SDK1: variants seen among roughly 807,000 people sequenced by gnomAD.
The protein encoded by SDK1 is protein sidekick-1.
A neutral mutation model predicts 245.5 loss-of-function variants in SDK1; 157 were observed. The observed-to-expected ratio is 0.64, with a 90% CI of 0.56 to 0.73. The LOEUF (loss-of-function observed/expected upper bound fraction) is 0.73. SDK1 is among the 30% of genes least tolerant of loss of function. The pLI, the probability that SDK1 is intolerant of heterozygous loss-of-function variation, is 0.00. For missense variants in SDK1, 3,583 were observed against 3,002.3 expected (o/e 1.19, Z -4.52); for synonymous variants, 1,647 against 1,278.5 (o/e 1.29, Z -6.15).
intron 4 of SDK1, among the ~76,000 whole-genome samples, chr7:3,702,155 T>C (rs1210004591): frequency 1.3e-5 from 2 of 152,114 alleles, no homozygotes; most frequent in Non-Finnish European, 2.9e-5. Context: ...TTCATTAAAA[T>C]TTAAAACATC....
At chr7:4,151,126 T>C (rs910108478) in intron 30 of SDK1, among the ~76,000 whole-genome samples, 2 of 152,138 alleles carry the variant, frequency 1.3e-5, no homozygotes, top group African/African-American at 4.8e-5. Context: ...GGGTGTCAAA[T>C]GCAAATCCTG....
chr7:4,251,430 C>T (rs1490886662), intron 44 of SDK1, among the ~76,000 whole-genome samples: 2 of 152,232 alleles, frequency 1.3e-5, no homozygotes, highest in Non-Finnish European at 2.9e-5. Context: ...CACACTTAGT[C>T]CTCCACCAGA....
intron 1 of SDK1, among the ~76,000 whole-genome samples, chr7:3,538,337 G>T (rs1203215358): frequency 2.0e-5 from 3 of 151,964 alleles, no homozygotes; most frequent in African/African-American, 7.3e-5. Context: ...AGAAAATCCT[G>T]TGCTTTTTTT....
chr7:3,691,986 T>A (rs1029690101), intron 4 of SDK1, among the ~76,000 whole-genome samples: 2 of 152,116 alleles, frequency 1.3e-5, no homozygotes, highest in Non-Finnish European at 2.9e-5. Flanking sequence ...TCCCCCTTTA[T>A]TTTTGCTTAC....
chr7:3,343,068 G>T (rs1434145388), intron 1 of SDK1, among the ~76,000 whole-genome samples: 1 of 150,270 alleles, frequency 6.7e-6, no homozygotes. Context: ...CATTGCTAGT[G>T]GGAATGTAAA....
At chr7:3,384,899 T>C (rs944539299) in intron 1 of SDK1, among the ~76,000 whole-genome samples, 1 of 152,188 alleles carries the variant, frequency 6.6e-6, no homozygotes, top group Non-Finnish European at 1.5e-5. Context: ...AAATAATTGT[T>C]GAGTAAATGG....
chr7:4,201,304 C>T (rs1238858842), intron 35 of SDK1, among the ~76,000 whole-genome samples: 1 of 152,148 alleles, frequency 6.6e-6, no homozygotes, highest in Non-Finnish European at 1.5e-5. Flanking sequence ...GTCTCCAGGT[C>T]CCCCTGCTCA....
intron 19 of SDK1, among the ~76,000 whole-genome samples, chr7:4,062,337 C>G (rs912906953): frequency 2.6e-5 from 4 of 152,024 alleles, no homozygotes; most frequent in African/African-American, 9.7e-5. Context: ...AACAACTATA[C>G]ACTAACAAAT....
intron 2 of SDK1, among the ~76,000 whole-genome samples, chr7:3,630,513 A>G (rs1473455582): frequency 1.3e-5 from 2 of 152,198 alleles, no homozygotes; most frequent in East Asian, 1.9e-4. Flanking sequence ...GTGCATGCCT[A>G]TAATCCCAGT....
chr7:3,746,607 C>T (rs1779628948), intron 4 of SDK1, among the ~76,000 whole-genome samples: 1 of 152,216 alleles, frequency 6.6e-6, no homozygotes, highest in Non-Finnish European at 1.5e-5. Context: ...TTCAGAGTGC[C>T]TCCACCAGGA....
At position 4,265,961 on chromosome 7, in the gene SDK1, G is replaced by C. The variant is rs1788442610; in HGVS notation, c.*577G>C. ...TTCTCACTTGGCAGTGTCTAGTCAA[G>C]GAGTCGGCTTTCAGGTTCCTGACGG... On this transcript the variant is annotated 3_prime_UTR_variant, in exon 45 of 45. Transcript: ENST00000404826. 1 of 985,526 alleles carries C rather than the reference G, an allele frequency of 1.0e-6. No individual in the cohort carries two copies. The highest frequency in any genetic ancestry group is 4.7e-5 in the South Asian group (1 of 21,300). The allele number at this position is 985,526 out of a possible 1,614,324, so 61.0% of individuals were successfully genotyped here.
At chr7:3,782,574 A>C (rs2115013789) in intron 4 of SDK1, among the ~76,000 whole-genome samples, 1 of 152,360 alleles carries the variant, frequency 6.6e-6, no homozygotes, top group South Asian at 2.1e-4. Flanking sequence ...AGAGATAAGA[A>C]ACACTTCGTA....
chr7:3,740,446 G>C (rs1257607970), intron 4 of SDK1, among the ~76,000 whole-genome samples: 1 of 152,206 alleles, frequency 6.6e-6, no homozygotes, highest in African/African-American at 2.4e-5. Flanking sequence ...TATTGAGCAT[G>C]TGTCACAGAT....
rs1315542089 is a variant in SDK1, at chr7:4,267,661, A to G, written c.*2277A>G. On this transcript the variant is annotated 3_prime_UTR_variant, in exon 45 of 45. Coordinates refer to ENST00000404826, the MANE Select transcript of SDK1 (RefSeq NM_152744.4). ...GCTTTACATGCCAGGGAGAGTGTTG[A>G]GACGTCTTAGGTTGAGGATGAGCAG... 2.0e-6 allele frequency: 2 copies of G among 985,320 alleles called. No individual in the cohort carries two copies. Among genetic ancestry groups the G allele is most frequent in the African/African-American group, 3.5e-5 (2 of 57,218 alleles). 61.0% of individuals were successfully genotyped at this position (985,320 alleles called of 1,614,324 possible). A position where few individuals can be genotyped will look rare whatever the true frequency, so the allele number is the denominator to read the frequency against.
chr7:3,661,565 C>G (rs1783356346), intron 4 of SDK1, among the ~76,000 whole-genome samples: 1 of 152,066 alleles, frequency 6.6e-6, no homozygotes, highest in Non-Finnish European at 1.5e-5. Flanking sequence ...GGAATTGTGG[C>G]TATCATTGAA....
intron 25 of SDK1, among the ~76,000 whole-genome samples, chr7:4,124,153 C>T (rs1369218178): frequency 1.3e-5 from 2 of 152,242 alleles, no homozygotes; most frequent in Non-Finnish European, 2.9e-5. Context: ...AAGCTTCCCA[C>T]ACAGCATGAG....
chr7:3,516,965 T>C (rs1583985740), intron 1 of SDK1, among the ~76,000 whole-genome samples: 2 of 152,184 alleles, frequency 1.3e-5, no homozygotes, highest in South Asian at 4.1e-4. Flanking sequence ...CCAGATACTT[T>C]ATCTTTTTGG....
At chr7:3,810,282 T>G (rs553071293) in intron 4 of SDK1, among the ~76,000 whole-genome samples, 20 of 152,332 alleles carry the variant, frequency 1.3e-4, no homozygotes, top group Admixed American at 9.1e-4. Flanking sequence ...TTCCACTGTT[T>G]AAGGATCTAA....
chr7:4,237,704 C>G lies in SDK1; in HGVS notation c.6050C>G (p.Ser2017Cys). Residue 2017 changes from serine to cysteine, a missense_variant, in exon 42 of 45, where the codon TCC (serine) becomes TGC (cysteine). Transcript: ENST00000404826. Reference sequence around the variant, plus strand: ...TGGTTCCTCCTGGTGATGGCTCTGTCCAGCCTGATCGTCATCCTGCTGGTG... The same window carrying G: ...TGGTTCCTCCTGGTGATGGCTCTGTGCAGCCTGATCGTCATCCTGCTGGTG... ...EWWFLLVMAL[S>C]SLIVILLVVF... 6.2e-7 allele frequency: 1 copy of G among 1,614,122 alleles called. No individual in the cohort carries two copies. The highest frequency in any genetic ancestry group is 8.5e-7 in the Non-Finnish European group (1 of 1,180,004).
Sources: allele counts gnomAD v4.1 joint callset (sites outside exome capture counted in the v4.1 genomes callset), GRCh38; gene constraint gnomAD v4.1.1; transcripts MANE v1.5; gene names NCBI Gene and HGNC (gene_info 2026-07-23, HGNC 2026-07-21).